ATP8A2: variants seen among roughly 807,000 people sequenced by gnomAD.
ATP8A2 encodes ATPase phospholipid transporting 8A2.
Under a neutral mutation model 165.6 loss-of-function variants are expected in ATP8A2, and 100 were observed. The ratio of observed to expected loss-of-function variants is 0.60; its 90% CI spans 0.51 to 0.71. The LOEUF (loss-of-function observed/expected upper bound fraction) is 0.71. Ranked by LOEUF, ATP8A2 falls within the 30% of genes least tolerant of loss-of-function variation. The pLI is 0.00. For synonymous variants in ATP8A2, 543 were observed against 548.8 expected (o/e 0.99, Z 0.15); for missense variants, 1,227 against 1,479.5 (o/e 0.83, Z 2.80).
At chr13:26,006,575 C>G in intron 35 of ATP8A2, among the ~76,000 whole-genome samples, 1 of 151,910 alleles carries the variant, frequency 6.6e-6, no homozygotes, top group East Asian at 1.9e-4. Flanking sequence ...AGTTGGCATC[C>G]TTGTCTTCTT....
chr13:25,864,168 A>G (rs1952435860), intron 33 of ATP8A2, among the ~76,000 whole-genome samples: 1 of 152,096 alleles, frequency 6.6e-6, no homozygotes. Flanking sequence ...CATTTGGGGA[A>G]TTTTGTGGTG....
intron 1 of ATP8A2, among the ~76,000 whole-genome samples, chr13:25,397,615 G>T (rs960851117): frequency 1.3e-5 from 2 of 152,108 alleles, no homozygotes. Context: ...ATTATGCTTT[G>T]TTGAGGAAAA....
Position 25,559,747 on chromosome 13 carries a change from C to T in ATP8A2, c.1379C>T (p.Pro460Leu), listed in dbSNP as rs765367135. ...CACTTCCCAGAATTGGCAAGAGAGC[C>T]GTCTTCAGATGACTTCTGGTAAGTA... Reference protein sequence around the residue: ...YGHFPELAREPSSDDFCRMPP... With the variant: ...YGHFPELARELSSDDFCRMPP... Residue 460 changes from proline to leucine, a missense_variant, in exon 15 of 37, where the codon CCG (proline) becomes CTG (leucine). By Grantham distance (98) the Pro-to-Leu change is moderately conservative. Coordinates refer to ENST00000381655, the MANE Select transcript of ATP8A2 (RefSeq NM_016529.6). The T allele has an allele frequency of 1.2e-5, 20 of 1,613,164 alleles. No homozygotes were observed. Among genetic ancestry groups the T allele is most frequent in the Middle Eastern group, 1.6e-4 (1 of 6,062 alleles).
At chr13:25,465,717 TTC>T (rs1338573160) in intron 1 of ATP8A2, among the ~76,000 whole-genome samples, 17 of 45,020 alleles carry the variant, frequency 3.8e-4, no homozygotes, top group African/African-American at 1.4e-3. Context: ...CTTTCTTTCT[TTC>T]TTTCTTTCTT....
At chr13:25,765,422 G>A (rs1019819398) in intron 25 of ATP8A2, among the ~76,000 whole-genome samples, 5 of 152,198 alleles carry the variant, frequency 3.3e-5, no homozygotes, top group African/African-American at 4.8e-5. Context: ...GAAACAGCCG[G>A]CTTGTGCTTC....
At chr13:25,374,172 C>T (rs1593221873) in intron 1 of ATP8A2, among the ~76,000 whole-genome samples, 2 of 152,190 alleles carry the variant, frequency 1.3e-5, no homozygotes, top group East Asian at 1.9e-4. Context: ...CCCGGAAACC[C>T]GGAGGGAGTG....
In ATP8A2 at chr13:25,372,574, C is replaced by T. The variant is rs899035859; in HGVS notation, c.76+286C>T. Among the ~76,000 whole-genome samples the T allele has an allele frequency of 6.6e-6, 1 of 152,166 alleles. No homozygotes were observed. The highest frequency in any genetic ancestry group is 2.4e-5 in the African/African-American group (1 of 41,434). ...GATGTGTGTGTGTGTGTGCGGCCTC[C>T]CTGTGCGCGTGCCCGTGCGCCCCTA... On this transcript the variant is annotated intron_variant, in intron 1 of 36. Transcript: ENST00000381655. The surrounding 1 kb of genome is among the most constrained non-coding windows in gnomAD (Gnocchi z 4.8).
At position 25,961,612 on chromosome 13, in the gene ATP8A2, G is replaced by A; in HGVS notation, c.3221G>A (p.Gly1074Glu). The A allele has an allele frequency of 1.9e-6, 3 of 1,614,102 alleles. No individual in the cohort carries two copies. The highest frequency in any genetic ancestry group is 2.5e-6 in the Non-Finnish European group (3 of 1,179,974). The change falls in exon 34 of 37, where the codon GGA becomes GAA. Residue 1074 changes from glycine (G) to glutamate (E), a missense_variant. By Grantham distance (98) the Gly-to-Glu change is moderately conservative. This residue lies in a region of ATP8A2 where 260 missense variants were observed against 245.1 expected (regional missense o/e 1.06). Coordinates refer to ENST00000381655, the MANE Select transcript of ATP8A2 (RefSeq NM_016529.6). ...CTGAGCTCCGCACACTTCTGGTTGG[G>A]ATTATTTCTGGTTCCTACTGCCTGT... ...MVLSSAHFWLGLFLVPTACLI... is the reference protein window; with the variant it reads ...MVLSSAHFWLELFLVPTACLI...
chr13:25,532,374 A>AGTGGCTCACGCC, intron 5 of ATP8A2, 57 bp downstream of exon 5: 1 of 1,241,150 alleles, frequency 8.1e-7, no homozygotes, highest in Non-Finnish European at 1.2e-6. Flanking sequence ...TAAGGCCTGC[A>AGTGGCTCACGCC]TTTAAGGAAT....
chr13:25,571,176 C>T (rs2039457200), intron 17 of ATP8A2, among the ~76,000 whole-genome samples: 1 of 152,192 alleles, frequency 6.6e-6, no homozygotes, highest in Admixed American at 6.5e-5. Flanking sequence ...TCTTCCTCAT[C>T]CTCCCCACCT....
chr13:25,848,354 A>C (rs936574436), intron 30 of ATP8A2, among the ~76,000 whole-genome samples: 3 of 152,248 alleles, frequency 2.0e-5, no homozygotes, highest in African/African-American at 7.2e-5. Flanking sequence ...CACATCTGGC[A>C]GGAAGAGATC....
At chr13:25,924,920 C>T (rs1954557573) in intron 33 of ATP8A2, among the ~76,000 whole-genome samples, 1 of 152,188 alleles carries the variant, frequency 6.6e-6, no homozygotes, top group Non-Finnish European at 1.5e-5. Flanking sequence ...CTTTGCTCCT[C>T]CTTTGCCTTC....
intron 33 of ATP8A2, among the ~76,000 whole-genome samples, chr13:25,928,315 G>A (rs1292897327): frequency 1.3e-5 from 2 of 152,194 alleles, no homozygotes; most frequent in East Asian, 1.9e-4. Flanking sequence ...TTTCTGTCAC[G>A]AAGAATATAG....
At chr13:25,814,148 T>C (rs1249927489) in intron 27 of ATP8A2, among the ~76,000 whole-genome samples, 1 of 151,824 alleles carries the variant, frequency 6.6e-6, no homozygotes. Flanking sequence ...TAATGTCTTT[T>C]TAAAAGTGGG....
chr13:25,862,533 T>A (rs574139535), intron 33 of ATP8A2, 125 bp downstream of exon 33: 5 of 704,324 alleles, frequency 7.1e-6, no homozygotes, highest in South Asian at 6.9e-5. Flanking sequence ...TGGTCCTTCC[T>A]GCTTCCATCA....
At chr13:26,014,096 G>C (rs1027258495) in intron 36 of ATP8A2, among the ~76,000 whole-genome samples, 19 of 152,232 alleles carry the variant, frequency 1.2e-4, no homozygotes, top group Non-Finnish European at 2.1e-4. Context: ...TGATGGGACA[G>C]GAGTGCTAAC....
At chr13:25,783,956 G>T (rs1157420344) in intron 27 of ATP8A2, among the ~76,000 whole-genome samples, 1 of 152,120 alleles carries the variant, frequency 6.6e-6, no homozygotes, top group Non-Finnish European at 1.5e-5. Flanking sequence ...AAGGTGGAGA[G>T]GGGGTGAGAG....
At position 25,967,611 on chromosome 13, in the gene ATP8A2, T is replaced by C. The variant is rs150176849; in HGVS notation, c.3273-964T>C. 3.5e-4 allele frequency among the ~76,000 whole-genome samples: 53 copies of C among 152,320 alleles called. No homozygotes were observed. In the East Asian group the frequency reaches 9.8e-3, roughly 28 times the overall value. ...ATCCTCACATGTATTTATATTTAAA[T>C]TAAACCGATGCAAAGCTTTTCAGTC... On this transcript the variant is annotated intron_variant, in intron 34 of 36. Coordinates refer to ENST00000381655, the MANE Select transcript of ATP8A2 (RefSeq NM_016529.6).
intron 2 of ATP8A2, among the ~76,000 whole-genome samples, chr13:25,516,684 C>G (rs1394265476): frequency 6.6e-6 from 1 of 151,070 alleles, no homozygotes; most frequent in Non-Finnish European, 1.5e-5. Context: ...AATGATCCTT[C>G]TCTTGCAGTG....
Sources: allele counts gnomAD v4.1 joint callset (sites outside exome capture counted in the v4.1 genomes callset), GRCh38; gene constraint gnomAD v4.1.1; regional missense constraint gnomAD v4.1.1; non-coding constraint Gnocchi (gnomAD v3.1); transcripts MANE v1.5; gene names NCBI Gene and HGNC (gene_info 2026-07-23, HGNC 2026-07-21).